Variants in CAMTA1 observed in about 807,000 individuals in gnomAD.
The protein encoded by CAMTA1 is calmodulin binding transcription activator 1, also known as calmodulin-binding transcription activator 1.
Under a neutral mutation model 170.9 loss-of-function variants are expected in CAMTA1, and 27 were observed. That is an observed-to-expected ratio of 0.16 (90% confidence interval 0.12 to 0.22). CAMTA1 has a LOEUF of 0.22. CAMTA1 is among the 10% of genes least tolerant of loss of function. CAMTA1 has a pLI of 1.00. For synonymous variants in CAMTA1, 833 were observed against 891.5 expected (o/e 0.93, Z 1.17); for missense variants, 1,619 against 2,217.2 (o/e 0.73, Z 5.42).
intron 11 of CAMTA1, among the ~76,000 whole-genome samples, chr1:7,716,153 C>G (rs2096608457): frequency 6.6e-6 from 1 of 152,170 alleles, no homozygotes; most frequent in Admixed American, 6.5e-5. Context: ...CCATCTCAGC[C>G]TCCAGAGTAG....
rs1641543089 is a variant in CAMTA1, at chr1:7,092,087, T to A, written c.302+716T>A. On this transcript the variant is annotated intron_variant, in intron 4 of 22. Coordinates refer to ENST00000303635, the MANE Select transcript of CAMTA1 (RefSeq NM_015215.4). This position sits in a 1 kb window ranked among gnomAD's most constrained non-coding sequence, Gnocchi z 5.0. ...TACAATCTAGAGCTTCGGAAATACA[T>A]GGCCACTCTCTTCCAATTGCCGTAA... 6.6e-6 allele frequency among the ~76,000 whole-genome samples: 1 copy of A among 152,212 alleles called. No individual in the cohort carries two copies. The highest frequency in any genetic ancestry group is 1.5e-5 in the Non-Finnish European group (1 of 68,038).
intron 4 of CAMTA1, among the ~76,000 whole-genome samples, chr1:7,106,709 T>C (rs1558109522): frequency 6.6e-6 from 1 of 152,084 alleles, no homozygotes; most frequent in Non-Finnish European, 1.5e-5. Context: ...CCAGTGAAAC[T>C]TGTTTGCTCT....
intron 3 of CAMTA1, among the ~76,000 whole-genome samples, chr1:6,896,170 G>T (rs1183880229): frequency 6.6e-6 from 1 of 152,106 alleles, no homozygotes; most frequent in East Asian, 1.9e-4. Flanking sequence ...TGCCTTTTAG[G>T]GTTGAAAATT....
At chr1:7,582,745 C>T (rs1460883403) in intron 6 of CAMTA1, among the ~76,000 whole-genome samples, 1 of 152,028 alleles carries the variant, frequency 6.6e-6, no homozygotes, top group African/African-American at 2.4e-5. Flanking sequence ...GCTCACAAAC[C>T]ACTGGCCAAG....
intron 6 of CAMTA1, among the ~76,000 whole-genome samples, chr1:7,560,749 T>G (rs1204623904): frequency 6.6e-6 from 1 of 152,050 alleles, no homozygotes; most frequent in African/African-American, 2.4e-5. Flanking sequence ...TGCGACTGCC[T>G]AGGACTGCTT....
intron 5 of CAMTA1, among the ~76,000 whole-genome samples, chr1:7,280,848 T>C (rs1374184529): frequency 6.6e-6 from 1 of 152,220 alleles, no homozygotes; most frequent in African/African-American, 2.4e-5. Context: ...GATAGGACAA[T>C]GGCGTGGTGC....
intron 1 of CAMTA1, among the ~76,000 whole-genome samples, chr1:6,794,459 C>G (rs1032066002): frequency 1.1e-4 from 17 of 152,204 alleles, no homozygotes; most frequent in African/African-American, 4.1e-4. Flanking sequence ...ATAAGATCTT[C>G]TTTTTAAAAT....
chr1:7,282,166 T>C (rs1224361278), intron 5 of CAMTA1, among the ~76,000 whole-genome samples: 1 of 152,150 alleles, frequency 6.6e-6, no homozygotes, highest in Non-Finnish European at 1.5e-5. Context: ...ATATTAAAAA[T>C]ACCTCAGTAC....
rs887746163 is a variant in CAMTA1, at chr1:6,838,144, A to G, written c.234+12934A>G. Among the ~76,000 whole-genome samples, 4 of 152,320 alleles carry G rather than the reference A, an allele frequency of 2.6e-5. No homozygotes were observed. In the East Asian group the frequency reaches 7.7e-4, roughly 29 times the overall value. On this transcript the variant is annotated intron_variant, in intron 3 of 22. Transcript: ENST00000303635. ...AGACTTCTGTCAACAAATATCATTT[A>G]GTCTAGTGCTCAAGTGGGCTGTAAT... is the stretch of plus-strand genomic sequence containing the variant.
At chr1:7,117,076 T>G (rs930946025) in intron 4 of CAMTA1, among the ~76,000 whole-genome samples, 91 of 152,014 alleles carry the variant, frequency 6.0e-4, no homozygotes, top group Non-Finnish European at 1.8e-4. Context: ...TCAAGTGATC[T>G]CCTCCTGCCT....
rs776756175 is a variant in CAMTA1 at position 7,663,482 on chromosome 1, A to C, written c.935A>C (p.Lys312Thr). ...CAGCACAATGACGTGTCGGAGGGCA[A>C]GCACGAGCACAGCCACAGCAAGGGC... The part of the protein sequence containing the change: ...EVQHNDVSEG[K>T]HEHSHSKGSS... The change falls in exon 9 of 23, where the codon AAG (lysine) becomes ACG (threonine). Residue 312 changes from lysine (K) to threonine (T), a missense_variant. Transcript: ENST00000303635. 1 of 1,597,846 alleles carries C rather than the reference A, an allele frequency of 6.3e-7. No individual in the cohort carries two copies. The highest frequency in any genetic ancestry group is 1.1e-5 in the South Asian group (1 of 89,726).
intron 6 of CAMTA1, among the ~76,000 whole-genome samples, chr1:7,478,456 G>C (rs1419700929): frequency 6.6e-6 from 1 of 152,202 alleles, no homozygotes; most frequent in Non-Finnish European, 1.5e-5. Context: ...CTGGCCTGCC[G>C]ACGCTCCTCT....
intron 3 of CAMTA1, among the ~76,000 whole-genome samples, chr1:6,923,450 G>T (rs1682448902): frequency 6.6e-6 from 1 of 152,218 alleles, no homozygotes. Context: ...GGGGTTTATT[G>T]TAAGAGTTCT....
At chr1:6,895,772 C>T (rs957369017) in intron 3 of CAMTA1, among the ~76,000 whole-genome samples, 1 of 152,186 alleles carries the variant, frequency 6.6e-6, no homozygotes, top group African/African-American at 2.4e-5. Flanking sequence ...AATGTTATAT[C>T]CTCAGAGAGA....
intron 5 of CAMTA1, among the ~76,000 whole-genome samples, chr1:7,323,056 A>G (rs1049882417): frequency 5.0e-5 from 7 of 139,482 alleles, no homozygotes; most frequent in Admixed American, 3.0e-4. Flanking sequence ...TGTTGATTCA[A>G]TTTTTCCCAT....
intron 5 of CAMTA1, among the ~76,000 whole-genome samples, chr1:7,343,032 C>G (rs1024645083): frequency 2.6e-5 from 4 of 152,224 alleles, no homozygotes; most frequent in Non-Finnish European, 5.9e-5. Flanking sequence ...TTCTCTGACC[C>G]TACGCATGGC....
rs1692538942 is a variant in CAMTA1, at chr1:6,971,546, A to G, written c.235-119758A>G. ...TGTCTTTGGAGTTGCTCAGGGGCCA[A>G]AGTGCCTTCTGGGTAAGTCTCTAAC... On this transcript the variant is annotated intron_variant, in intron 3 of 22. Coordinates refer to ENST00000303635, the MANE Select transcript of CAMTA1 (RefSeq NM_015215.4). This position sits in a 1 kb window ranked among gnomAD's most constrained non-coding sequence, Gnocchi z 4.6. Among the ~76,000 whole-genome samples, 1 of 152,122 alleles carries G rather than the reference A, an allele frequency of 6.6e-6. No homozygotes were observed. The highest frequency in any genetic ancestry group is 2.4e-5 in the African/African-American group (1 of 41,420).
chr1:6,930,600 T>C (rs1489628682), intron 3 of CAMTA1, among the ~76,000 whole-genome samples: 1 of 152,192 alleles, frequency 6.6e-6, no homozygotes, highest in African/African-American at 2.4e-5. Context: ...CCCAGCTCTC[T>C]GTACCCCTGT....
At chr1:7,233,041 C>T (rs536526990) in intron 4 of CAMTA1, among the ~76,000 whole-genome samples, 2 of 151,200 alleles carry the variant, frequency 1.3e-5, no homozygotes, top group African/African-American at 4.9e-5. Flanking sequence ...GAAGCTAATT[C>T]CCAGAGATTC....
Sources: allele counts gnomAD v4.1 joint callset (sites outside exome capture counted in the v4.1 genomes callset), GRCh38; gene constraint gnomAD v4.1.1; non-coding constraint Gnocchi (gnomAD v3.1); transcripts MANE v1.5; gene names NCBI Gene and HGNC (gene_info 2026-07-23, HGNC 2026-07-21).